Variants in SPDYE4 observed in about 807,000 individuals in gnomAD.
SPDYE4 encodes speedy protein E4.
In SPDYE4, 30 loss-of-function variants were observed where a neutral mutation model predicts 37.5. The ratio of observed to expected loss-of-function variants is 0.80; its 90% CI spans 0.60 to 1.09. The LOEUF (loss-of-function observed/expected upper bound fraction) is 1.09, where lower values mean the gene tolerates loss of function less well. Among genes scored for constraint, SPDYE4 ranks in the 50% least tolerant of loss-of-function variants. The probability of loss-of-function intolerance (pLI) is 0.00; values close to 1 mark genes in which losing one functional copy is unlikely to be tolerated. For missense variants in SPDYE4, 300 were observed against 307.9 expected (o/e 0.97, Z 0.19); for synonymous variants, 131 against 120.3 (o/e 1.09, Z -0.58).
intron 5 of SPDYE4, 29 bp downstream of exon 5, chr17:8,753,292 C>A (rs754281323): frequency 7.0e-7 from 1 of 1,418,542 alleles, no homozygotes; most frequent in Non-Finnish European, 9.5e-7. Flanking sequence ...TCCCTCCCCA[C>A]CCCCACCTCC....
rs888404660 is a variant in SPDYE4 at position 8,753,163 on chromosome 17, G to A, written c.689C>T (p.Ala230Val). ...QAYDPEHWVW[A>V]RDRTLIS ...CTAGGAAATGAGGGTGCGATCTCGG[G>A]CCCACACCCAGTGCTCTGGGTCATA... The change falls in exon 6 of 7, where the codon GCC becomes GTC. Residue 230 changes from alanine (A) to valine (V), a missense_variant. Coordinates refer to ENST00000689094, the MANE Select transcript of SPDYE4 (RefSeq NM_001394956.1). 1 of 1,613,930 alleles carries A rather than the reference G, an allele frequency of 6.2e-7. No individual in the cohort carries two copies. The highest frequency in any genetic ancestry group is 1.3e-5 in the African/African-American group (1 of 74,864).
rs2086747119 is a variant in SPDYE4 at position 8,753,466 on chromosome 17, T to C, written c.509A>G (p.Glu170Gly). 1 of 1,613,732 alleles carries C rather than the reference T, an allele frequency of 6.2e-7. No homozygotes were observed. The highest frequency in any genetic ancestry group is 8.5e-7 in the Non-Finnish European group (1 of 1,179,870). ...LALYLASDME[E>G]DNQAPKQDIF... The stretch of plus-strand genomic sequence containing the variant: ...GTCTTGTTTCGGGGCCTGGTTGTCC[T>C]CCTCCATGTCACTGGCCAGGTAGCT... The change falls in exon 5 of 7, where the codon GAG (glutamate) becomes GGG (glycine). Residue 170 changes from glutamate to glycine, a missense_variant. Glu to Gly is a moderately conservative substitution (Grantham distance 98, BLOSUM62 -2). Transcript: ENST00000689094.
At position 8,753,489 on chromosome 17, in the gene SPDYE4, G is replaced by T; in HGVS notation, c.486C>A (p.Leu162=). Residue 162 remains leucine, a splice_region_variant and synonymous_variant, in exon 5 of 7, where the codon CTC becomes CTA. Coordinates refer to ENST00000689094, the MANE Select transcript of SPDYE4 (RefSeq NM_001394956.1). Reference sequence around the variant, plus strand: ...CCTCCTCCATGTCACTGGCCAGGTAGCTGGGGAGAGAGATCAGGTTGCTGC... The same window carrying T: ...CCTCCTCCATGTCACTGGCCAGGTATCTGGGGAGAGAGATCAGGTTGCTGC... ...QYQRIHFFLA[L]YLASDMEEDN... is the part of the protein sequence containing the mutation. 2 of 1,613,618 alleles carry T rather than the reference G, an allele frequency of 1.2e-6. No individual in the cohort carries two copies. The highest frequency in any genetic ancestry group is 2.7e-5 in the African/African-American group (2 of 75,028).
chr17:8,753,962 G>A (rs532231643), intron 4 of SPDYE4, among the ~76,000 whole-genome samples: 22 of 151,656 alleles, frequency 1.5e-4, no homozygotes, highest in Non-Finnish European at 2.6e-4. Flanking sequence ...GTCTTCCCCC[G>A]TGCATCATAA....
In SPDYE4 at chr17:8,751,532, G is replaced by T. The variant is rs1567540415; in HGVS notation, c.*750C>A. ...CTACCACCTAGCTATAAATATAATG[G>T]ATATATTAGGTCAGTATCATAGATT... On this transcript the variant is annotated 3_prime_UTR_variant, in exon 7 of 7. Coordinates refer to ENST00000689094, the MANE Select transcript of SPDYE4 (RefSeq NM_001394956.1). Among the ~76,000 whole-genome samples the T allele has an allele frequency of 6.6e-6, 1 of 152,104 alleles. No individual in the cohort carries two copies. Among genetic ancestry groups the T allele is most frequent in the Non-Finnish European group, 1.5e-5 (1 of 68,020 alleles).
intron 3 of SPDYE4, 137 bp from the exon 4 acceptor site, chr17:8,755,742 A>C: frequency 1.6e-5 from 19 of 1,154,536 alleles, no homozygotes; most frequent in Non-Finnish European, 2.4e-5. Context: ...GACTATGCTC[A>C]TTGGGGGCTT....
Position 8,757,602 on chromosome 17 carries a change from G to C in SPDYE4, c.110-110C>G, listed in dbSNP as rs766401308. 2.7e-4 allele frequency: 303 copies of C among 1,122,512 alleles called. 1 individual carries two copies. The highest frequency in any genetic ancestry group is 8.7e-5 in the Non-Finnish European group (69 of 795,672). 69.5% of individuals were successfully genotyped at this position (1,122,512 alleles called of 1,614,324 possible). On this transcript the variant is annotated intron_variant, in intron 1 of 6. Transcript: ENST00000689094. ...TCCATCCTCCCAAGCCTCGCAGACT[G>C]TCAGCTTCTCCAAGCCATGTTTCCA...
intron 1 of SPDYE4, 71 bp from the exon 2 acceptor site, chr17:8,757,563 C>G (rs1004361740): frequency 5.1e-5 from 74 of 1,451,388 alleles, no homozygotes; most frequent in Non-Finnish European, 6.4e-5. Flanking sequence ...GACCCAGGAA[C>G]CTCAAACTAC....
Position 8,753,243 on chromosome 17 carries a change from G to A in SPDYE4, c.655-46C>T, listed in dbSNP as rs1367624309. ...TGAGAAGCCAGGGATTCCCCAGGAA[G>A]CCCCCTCTCTGCCCTCCTCCAGCCT... On this transcript the variant is annotated intron_variant, in intron 5 of 6. Coordinates refer to ENST00000689094, the MANE Select transcript of SPDYE4 (RefSeq NM_001394956.1). The A allele has an allele frequency of 2.5e-6, 4 of 1,612,862 alleles. No individual in the cohort carries two copies. In the East Asian group the frequency reaches 8.9e-5, roughly 36 times the overall value.
Position 8,757,334 on chromosome 17 carries a change from T to A in SPDYE4, c.268A>T (p.Lys90Ter). The A allele has an allele frequency of 6.2e-7, 1 of 1,602,332 alleles. No individual in the cohort carries two copies. Among genetic ancestry groups the A allele is most frequent in the Non-Finnish European group, 8.5e-7 (1 of 1,174,208 alleles). ...GCTCGCTTTCGCTTCAGCTTCATCT[T>A]GAGCCCACACAGCGTCTCCACCACC... ...TWVVETLCGL[K>*]MKLKRKRASS... Residue 90 changes from lysine to a stop codon, truncating the protein, a stop_gained, in exon 2 of 7, where the codon AAG becomes TAG. Coordinates refer to ENST00000689094, the MANE Select transcript of SPDYE4 (RefSeq NM_001394956.1). LOFTEE classifies it high-confidence loss of function.
At chr17:8,752,524 T>G (rs1057136813) in intron 6 of SPDYE4, among the ~76,000 whole-genome samples, 1 of 151,990 alleles carries the variant, frequency 6.6e-6, no homozygotes, top group African/African-American at 2.4e-5. Context: ...TAGAGCACCC[T>G]TGGAGGACGT....
At position 8,757,089 on chromosome 17, in the gene SPDYE4, G is replaced by A. The variant is rs372932030; in HGVS notation, c.340+173C>T. 5.3e-5 allele frequency among the ~76,000 whole-genome samples: 8 copies of A among 152,198 alleles called. No homozygotes were observed. In the South Asian group the frequency reaches 8.3e-4, roughly 16 times the overall value. On this transcript the variant is annotated intron_variant, in intron 2 of 6. Transcript: ENST00000689094. ...GAAACCAAGCTTTCTTATTTCAAGTGCAGACCTTTATTAAGACTAGCCTAA... is the reference window on the plus strand; with the variant it reads ...GAAACCAAGCTTTCTTATTTCAAGTACAGACCTTTATTAAGACTAGCCTAA...
In SPDYE4 at chr17:8,753,617, C is replaced by A. The variant is rs529003094; in HGVS notation, c.486-128G>T. Reference sequence around the variant, plus strand: ...GCACCAACAGCCGCCCTGCAGAGAGCCCTGCCTTCCTCAGGAGGCCCCGCT... The same window carrying A: ...GCACCAACAGCCGCCCTGCAGAGAGACCTGCCTTCCTCAGGAGGCCCCGCT... On this transcript the variant is annotated intron_variant, in intron 4 of 6. Transcript: ENST00000689094. The A allele has an allele frequency of 1.5e-3, 1,734 of 1,132,038 alleles. 7 individuals carry two copies. Among genetic ancestry groups the A allele is most frequent in the Non-Finnish European group, 1.9e-3 (1,529 of 808,500 alleles). The allele number at this position is 1,132,038 out of a possible 1,614,324, so 70.1% of individuals were successfully genotyped here. A position where few individuals can be genotyped will look rare whatever the true frequency, so the allele number is the denominator to read the frequency against.
intron 2 of SPDYE4, 106 bp downstream of exon 2, chr17:8,757,156 A>C: frequency 9.5e-7 from 1 of 1,055,248 alleles, no homozygotes; most frequent in South Asian, 1.5e-5. Context: ...TGGAGCGCTC[A>C]TCCCCCAGGA....
At chr17:8,755,397 G>A (rs1040372440) in intron 4 of SPDYE4, 123 bp downstream of exon 4, 18 of 1,214,754 alleles carry the variant, frequency 1.5e-5, no homozygotes, top group South Asian at 8.7e-5. Context: ...TAATCTTATC[G>A]TTTTTATATA....
chr17:8,757,564 C>T (rs1758258901), intron 1 of SPDYE4, 72 bp from the exon 2 acceptor site: 1 of 1,441,262 alleles, frequency 6.9e-7, no homozygotes, highest in African/African-American at 1.4e-5. Context: ...ACCCAGGAAC[C>T]TCAAACTACT....
intron 2 of SPDYE4, among the ~76,000 whole-genome samples, chr17:8,757,026 G>C (rs1164365968): frequency 1.3e-5 from 2 of 151,966 alleles, no homozygotes; most frequent in African/African-American, 2.4e-5. Context: ...GCCTCCCAAA[G>C]CACCAAGATC....
downstream of SPDYE4, among the ~76,000 whole-genome samples, chr17:8,749,195 C>A (rs1320379183): frequency 6.6e-6 from 1 of 151,032 alleles, no homozygotes; most frequent in Admixed American, 6.6e-5. Flanking sequence ...CAGGCCCAAG[C>A]AATCCTCCCA....
Position 8,753,335 on chromosome 17 carries a change from C to G in SPDYE4, c.640G>C (p.Glu214Gln), listed in dbSNP as rs919965904. 1.9e-6 allele frequency: 3 copies of G among 1,554,566 alleles called. No homozygotes were observed. The highest frequency in any genetic ancestry group is 2.6e-6 in the Non-Finnish European group (3 of 1,146,434). Residue 214 changes from glutamate (E) to glutamine (Q), a missense_variant, in exon 5 of 7, where the codon GAG (glutamate) becomes CAG (glutamine). Coordinates refer to ENST00000689094, the MANE Select transcript of SPDYE4 (RefSeq NM_001394956.1). The part of the protein sequence containing the change: ...SMRWRTWVSP[E>Q]EMEEIQAYDP... ...GCCCCACCTACCTCCTCCATCTCCT[C>G]TGGGGAAACCCACGTCCTCCAGCGC... is the stretch of plus-strand genomic sequence containing the variant.
Sources: gnomAD v4.1 joint callset for allele counts (sites outside exome capture counted in the v4.1 genomes callset) on GRCh38, gnomAD v4.1.1 for gene constraint, MANE v1.5 for transcripts, NCBI Gene and HGNC (gene_info 2026-07-23, HGNC 2026-07-21) for gene names.